Variants in CCSER1 observed in about 807,000 individuals in gnomAD.
CCSER1 encodes coiled-coil serine rich protein 1, also known as serine-rich coiled-coil domain-containing protein 1.
A neutral mutation model predicts 82.0 loss-of-function variants in CCSER1; 41 were observed. The ratio of observed to expected loss-of-function variants is 0.50; its 90% CI spans 0.39 to 0.65. The LOEUF (loss-of-function observed/expected upper bound fraction) is 0.65. CCSER1 is among the 30% of genes least tolerant of loss of function. CCSER1 has a pLI of 0.00. For missense variants in CCSER1, 1,119 were observed against 1,064.2 expected (o/e 1.05, Z -0.72); for synonymous variants, 414 against 383.9 (o/e 1.08, Z -0.92).
intron 9 of CCSER1, among the ~76,000 whole-genome samples, chr4:90,970,898 G>T (rs1735038508): frequency 1.3e-5 from 2 of 151,488 alleles, no homozygotes; most frequent in Non-Finnish European, 2.9e-5. Flanking sequence ...CCAACATTTA[G>T]GACATGAATA....
chr4:91,018,532 A>G (rs538144031), intron 9 of CCSER1, among the ~76,000 whole-genome samples: 1 of 152,216 alleles, frequency 6.6e-6, no homozygotes, highest in East Asian at 1.9e-4. Context: ...TCCCTAGTTT[A>G]TAGTCCTTAA....
chr4:90,662,003 T>TC (rs201269377), intron 6 of CCSER1, among the ~76,000 whole-genome samples: 2 of 149,492 alleles, frequency 1.3e-5, no homozygotes, highest in African/African-American at 2.4e-5. Flanking sequence ...TTTCTTTCTT[T>TC]TTTTTTTTTT....
At chr4:90,195,480 A>T (rs1736423192) in intron 1 of CCSER1, among the ~76,000 whole-genome samples, 1 of 152,090 alleles carries the variant, frequency 6.6e-6, no homozygotes, top group South Asian at 2.1e-4. Flanking sequence ...GTGAGTACAG[A>T]GTATTTTTAG....
intron 9 of CCSER1, among the ~76,000 whole-genome samples, chr4:90,946,637 A>AG (rs777665527): frequency 1.3e-3 from 137 of 104,402 alleles, no homozygotes; most frequent in African/African-American, 3.1e-3. Context: ...AAAAAAAAAA[A>AG]AAAGAGATTA....
chr4:91,577,149 C>A (rs1334661199), intron 10 of CCSER1, among the ~76,000 whole-genome samples: 1 of 151,908 alleles, frequency 6.6e-6, no homozygotes, highest in African/African-American at 2.4e-5. Context: ...TTAACACAGG[C>A]CTTTATATCT....
intron 3 of CCSER1, among the ~76,000 whole-genome samples, chr4:90,314,601 T>C (rs1314534029): frequency 6.6e-6 from 1 of 151,784 alleles, no homozygotes; most frequent in African/African-American, 2.4e-5. Flanking sequence ...AAAAAAAATT[T>C]AATAATTAGC....
chr4:91,021,503 A>T (rs1739960726), intron 9 of CCSER1, among the ~76,000 whole-genome samples: 1 of 152,202 alleles, frequency 6.6e-6, no homozygotes, highest in African/African-American at 2.4e-5. Context: ...TTTGCAATCT[A>T]ATCTTCAGTG....
chr4:90,697,561 A>G (rs998651381), intron 6 of CCSER1, among the ~76,000 whole-genome samples: 2 of 152,116 alleles, frequency 1.3e-5, no homozygotes, highest in African/African-American at 2.4e-5. Flanking sequence ...TTTTATTGAG[A>G]CACTACATTT....
chr4:91,565,369 C>A lies in CCSER1; in HGVS notation c.2218-33203C>A, dbSNP rs116828600. Among the ~76,000 whole-genome samples, 948 of 151,922 alleles carry A rather than the reference C, an allele frequency of 6.2e-3. 9 individuals carry two copies. Among genetic ancestry groups the A allele is most frequent in the Non-Finnish European group, 8.3e-3 (561 of 67,904 alleles). ...GCTTTGTTCTTTTTGTTCATGATTG[C>A]CTTGGCTGTTCAGGCTCTTTTATGG... On this transcript the variant is annotated intron_variant, in intron 10 of 10. Coordinates refer to ENST00000509176, the MANE Select transcript of CCSER1 (RefSeq NM_001145065.2).
intron 1 of CCSER1, among the ~76,000 whole-genome samples, chr4:90,274,468 T>C (rs1727176045): frequency 6.6e-6 from 1 of 152,206 alleles, no homozygotes; most frequent in Admixed American, 6.5e-5. Flanking sequence ...AAGAAAACTA[T>C]GTCATGGAAA....
In CCSER1 at chr4:91,079,043, G is replaced by T. The variant is rs964626085; in HGVS notation, c.2173-6907G>T. 3.3e-5 allele frequency among the ~76,000 whole-genome samples: 5 copies of T among 152,128 alleles called. No individual in the cohort carries two copies. The East Asian group carries it at 9.6e-4, about 29-fold the overall frequency. On this transcript the variant is annotated intron_variant, in intron 9 of 10. Coordinates refer to ENST00000509176, the MANE Select transcript of CCSER1 (RefSeq NM_001145065.2). Reference sequence around the variant, plus strand: ...AGGAGAACTTCCCCAACATAGCGAGGCAGGCCAACATTCAAATTCAGGAAA... The same window carrying T: ...AGGAGAACTTCCCCAACATAGCGAGTCAGGCCAACATTCAAATTCAGGAAA...
At chr4:90,536,959 C>T (rs866331566) in intron 5 of CCSER1, among the ~76,000 whole-genome samples, 2 of 152,134 alleles carry the variant, frequency 1.3e-5, no homozygotes, top group African/African-American at 2.4e-5. Flanking sequence ...TCTCTTGCTT[C>T]GTATATTGGT....
intron 10 of CCSER1, among the ~76,000 whole-genome samples, chr4:91,554,659 A>T (rs1762320459): frequency 6.6e-6 from 1 of 151,344 alleles, no homozygotes; most frequent in African/African-American, 2.4e-5. Context: ...AGTCTCTATA[A>T]AAATTCCAAT....
At chr4:90,811,977 T>TATATAAACACACACACACAC (rs1561180566) in intron 7 of CCSER1, among the ~76,000 whole-genome samples, 132 of 95,274 alleles carry the variant, frequency 1.4e-3, no homozygotes, top group African/African-American at 3.5e-3. Context: ...CACATATATA[T>TATATAAACACACACACACAC]ATATATATAT....
chr4:91,214,939 G>A (rs1255064699), intron 10 of CCSER1, among the ~76,000 whole-genome samples: 1 of 151,924 alleles, frequency 6.6e-6, no homozygotes, highest in African/African-American at 2.4e-5. Context: ...ATTCACAATG[G>A]AAATATTGAG....
At chr4:90,566,688 C>T (rs1412029331) in intron 5 of CCSER1, among the ~76,000 whole-genome samples, 2 of 151,396 alleles carry the variant, frequency 1.3e-5, no homozygotes, top group Admixed American at 6.6e-5. Flanking sequence ...CTGCAAGGTC[C>T]GCCTCCAGGG....
chr4:90,841,317 G>T (rs903461025), intron 8 of CCSER1, among the ~76,000 whole-genome samples: 1 of 152,112 alleles, frequency 6.6e-6, no homozygotes, highest in Non-Finnish European at 1.5e-5. Context: ...AGTGGCTCAC[G>T]CCTGTCATCC....
intron 7 of CCSER1, among the ~76,000 whole-genome samples, chr4:90,741,430 G>A (rs1367104032): frequency 1.3e-5 from 2 of 152,166 alleles, no homozygotes; most frequent in Non-Finnish European, 2.9e-5. Context: ...ACCTTGGTGT[G>A]AGATAATAGC....
intron 7 of CCSER1, among the ~76,000 whole-genome samples, chr4:90,804,646 A>G (rs1486835867): frequency 6.6e-6 from 1 of 152,116 alleles, no homozygotes; most frequent in Non-Finnish European, 1.5e-5. Flanking sequence ...TGTTCAAAAT[A>G]ATTTATGGAT....
Sources: allele counts gnomAD v4.1 joint callset (sites outside exome capture counted in the v4.1 genomes callset), GRCh38; gene constraint gnomAD v4.1.1; transcripts MANE v1.5; gene names NCBI Gene and HGNC (gene_info 2026-07-23, HGNC 2026-07-21).